The following TG variants were observed in gnomAD, a reference collection of about 807,000 sequenced individuals.
TG encodes the protein thyroglobulin, also known as thyroid hormones.
TG carries 270 observed loss-of-function variants against 324.7 expected under a neutral mutation model. The observed-to-expected ratio is 0.83, with a 90% CI of 0.75 to 0.92. The LOEUF (loss-of-function observed/expected upper bound fraction) is 0.92, where lower values mean the gene tolerates loss of function less well. Ranked by LOEUF, TG falls within the 40% of genes least tolerant of loss-of-function variation. The pLI is 0.00. For missense variants in TG, 3,591 were observed against 3,456.4 expected, an observed-to-expected ratio of 1.04 and a Z score of -0.98; for synonymous variants, 1,401 against 1,327.0, an observed-to-expected ratio of 1.06 and a Z score of -1.21.
At chr8:132,968,206 A>G (rs6988193) in intron 31 of TG, among the ~76,000 whole-genome samples, 26,569 of 152,188 alleles carry the variant, frequency 0.17, 2,952 homozygotes, top group African/African-American at 0.31. Flanking sequence ...GCAGTATTTC[A>G]ATGCAGAAGT....
intron 35 of TG, chr8:132,988,742 G>C: frequency 2.0e-6 from 2 of 985,424 alleles, no homozygotes; most frequent in Non-Finnish European, 2.4e-6. Flanking sequence ...GCTGCTGCAG[G>C]TTAGCTTGAG....
intron 41 of TG, among the ~76,000 whole-genome samples, chr8:133,042,687 T>C (rs1179815586): frequency 4.2e-5 from 5 of 119,550 alleles, no homozygotes; most frequent in African/African-American, 7.5e-5. Context: ...TCTTTTTTTT[T>C]TTTTTTTTTT....
At chr8:133,114,992 A>AT (rs1850559321) in intron 44 of TG, among the ~76,000 whole-genome samples, 1 of 152,092 alleles carries the variant, frequency 6.6e-6, no homozygotes, top group African/African-American at 2.4e-5. Context: ...GCCAACAGCT[A>AT]TTTTGGGAGG....
In TG at chr8:133,116,623, T is replaced by A; in HGVS notation, c.7769T>A (p.Ile2590Asn). ...CTTTTCACCAGGGACTACTTTATCA[T>A]CTGCCCTATAATCGACATGGCCAGT... ...LENATRDYFI[I>N]CPIIDMASAW... Residue 2590 changes from isoleucine to asparagine, a missense_variant, in exon 45 of 48, where the codon ATC becomes AAC. Ile to Asn is a moderately radical substitution (Grantham distance 149). Coordinates refer to ENST00000220616, the MANE Select transcript of TG (RefSeq NM_003235.5). 6.2e-7 allele frequency: 1 copy of A among 1,614,166 alleles called. No homozygotes were observed. Among genetic ancestry groups the A allele is most frequent in the Non-Finnish European group, 8.5e-7 (1 of 1,179,962 alleles).
In TG at chr8:133,044,555, T is replaced by C. The variant is rs1403494; in HGVS notation, c.7239+14532T>C. 6.1e-3 allele frequency among the ~76,000 whole-genome samples: 923 copies of C among 152,296 alleles called. 12 individuals carry two copies. The highest frequency in any genetic ancestry group is 0.021 in the African/African-American group (881 of 41,556). On this transcript the variant is annotated intron_variant, in intron 41 of 47. Coordinates refer to ENST00000220616, the MANE Select transcript of TG (RefSeq NM_003235.5). Reference sequence around the variant, plus strand: ...GAGCACAGCGAAGACAGGTAGCCACTGCTAACTCCTATAGCTTCATCGCAG... The same window carrying C: ...GAGCACAGCGAAGACAGGTAGCCACCGCTAACTCCTATAGCTTCATCGCAG...
intron 35 of TG, among the ~76,000 whole-genome samples, chr8:132,999,315 AT>A (rs2130818249): frequency 7.4e-6 from 1 of 134,440 alleles, no homozygotes; most frequent in Admixed American, 7.0e-5. Flanking sequence ...AATAAGAATA[AT>A]TAAAAAAAAA....
chr8:132,994,836 G>C, intron 35 of TG: 1 of 1,275,772 alleles, frequency 7.8e-7, no homozygotes, highest in Non-Finnish European at 1.0e-6. Flanking sequence ...GAAGGGGCTG[G>C]GTCAGATGAT....
intron 2 of TG, among the ~76,000 whole-genome samples, chr8:132,869,057 G>A (rs1563883669): frequency 6.6e-6 from 1 of 152,274 alleles, no homozygotes; most frequent in South Asian, 2.1e-4. Context: ...TGGGAATTCT[G>A]GAACAGCAAG....
intron 10 of TG, among the ~76,000 whole-genome samples, chr8:132,891,674 A>G (rs1816258872): frequency 6.6e-6 from 1 of 152,146 alleles, no homozygotes; most frequent in African/African-American, 2.4e-5. Flanking sequence ...CCAGTTGTAG[A>G]TTTTCACTTT....
Position 132,901,370 on chromosome 8 carries a change from G to A in TG, c.3451G>A (p.Val1151Met). ...SSAQCPSLCN[V>M]LKSGVLSRRV... ...TGTGTCAGGCCCAAGCCTCTGCAAT[G>A]TGCTCAAGAGTGGAGTCCTCTCCAG... Residue 1151 changes from valine to methionine, a missense_variant, in exon 16 of 48, where the codon GTG (valine) becomes ATG (methionine). By Grantham distance (21) the Val-to-Met change is conservative. Transcript: ENST00000220616. 1 of 1,614,172 alleles carries A rather than the reference G, an allele frequency of 6.2e-7. No individual in the cohort carries two copies. Among genetic ancestry groups the A allele is most frequent in the South Asian group, 1.1e-5 (1 of 91,090 alleles).
At chr8:132,967,242 C>G (rs1387692369) in intron 30 of TG, among the ~76,000 whole-genome samples, 1 of 79,252 alleles carries the variant, frequency 1.3e-5, no homozygotes, top group East Asian at 7.1e-4. Context: ...ATCCATCCAT[C>G]CATCCATCTA....
chr8:132,994,087 A>C lies in TG; in HGVS notation c.6262+10675A>C, dbSNP rs1832644621. On this transcript the variant is annotated intron_variant, in intron 35 of 47. Transcript: ENST00000220616. Reference sequence around the variant, plus strand: ...GGGTAACTCCTGACTACATGCTCTTAAGCCATGATTCTCATCTAGAATGGC... The same window carrying C: ...GGGTAACTCCTGACTACATGCTCTTCAGCCATGATTCTCATCTAGAATGGC... Among the ~76,000 whole-genome samples, 6 of 152,120 alleles carry C rather than the reference A, an allele frequency of 3.9e-5. No homozygotes were observed. In the South Asian group the frequency reaches 1.2e-3, roughly 32 times the overall value.
intron 41 of TG, among the ~76,000 whole-genome samples, chr8:133,045,308 G>A (rs1193527653): frequency 1.3e-5 from 2 of 151,006 alleles, no homozygotes; most frequent in African/African-American, 4.9e-5. Flanking sequence ...GACTGCAGAA[G>A]TGTATTATTG....
chr8:132,975,094 T>C (rs1278547914), intron 34 of TG, among the ~76,000 whole-genome samples: 7 of 152,076 alleles, frequency 4.6e-5, no homozygotes, highest in Admixed American at 4.6e-4. Flanking sequence ...TTTCCCTGCT[T>C]TAACTCATAG....
intron 41 of TG, among the ~76,000 whole-genome samples, chr8:133,077,632 T>G (rs1845096887): frequency 6.6e-6 from 1 of 152,170 alleles, no homozygotes; most frequent in African/African-American, 2.4e-5. Flanking sequence ...GATGCCACGC[T>G]AGACAGGTGA....
At chr8:133,091,987 C>T (rs1033343960) in intron 41 of TG, among the ~76,000 whole-genome samples, 1 of 152,040 alleles carries the variant, frequency 6.6e-6, no homozygotes, top group Non-Finnish European at 1.5e-5. Flanking sequence ...ATGTCTCTGT[C>T]AGTGTCTGTG....
intron 41 of TG, among the ~76,000 whole-genome samples, chr8:133,090,645 C>T (rs1427711262): frequency 6.6e-6 from 1 of 152,196 alleles, no homozygotes; most frequent in Non-Finnish European, 1.5e-5. Context: ...ATACAACCAA[C>T]TTTGAGTGCA....
At position 132,888,164 on chromosome 8, in the gene TG, A is replaced by G; in HGVS notation, c.2357A>G (p.Gln786Arg). 1 of 1,614,114 alleles carries G rather than the reference A, an allele frequency of 6.2e-7. No homozygotes were observed. Among genetic ancestry groups the G allele is most frequent in the Non-Finnish European group, 8.5e-7 (1 of 1,180,002 alleles). Reference sequence around the variant, plus strand: ...CCTGAGCAGGTCTTCGAGTTGTACCAACGATGGGAGGCTCAGAACAAGGGC... The same window carrying G: ...CCTGAGCAGGTCTTCGAGTTGTACCGACGATGGGAGGCTCAGAACAAGGGC... ...GPPEQVFELY[Q>R]RWEAQNKGQD... The change falls in exon 10 of 48, where the codon CAA becomes CGA. Residue 786 changes from glutamine to arginine, a missense_variant. Transcript: ENST00000220616.
chr8:133,047,878 C>T (rs1839746090), intron 41 of TG: 1 of 1,613,074 alleles, frequency 6.2e-7, no homozygotes, highest in Non-Finnish European at 8.5e-7. Flanking sequence ...ACCTTTGTGT[C>T]TGGCAGCTGC....
Sources: gnomAD v4.1 joint callset for allele counts (sites outside exome capture counted in the v4.1 genomes callset) on GRCh38, gnomAD v4.1.1 for gene constraint, MANE v1.5 for transcripts, NCBI Gene and HGNC (gene_info 2026-07-23, HGNC 2026-07-21) for gene names.